The following PDE1A variants were observed in gnomAD, a reference collection of about 807,000 sequenced individuals.
The protein encoded by PDE1A is phosphodiesterase 1A.
Under a neutral mutation model 61.7 loss-of-function variants are expected in PDE1A, and 35 were observed. That is an observed-to-expected ratio of 0.57 (90% CI 0.43 to 0.75). The LOEUF is 0.75. Among genes scored for constraint, PDE1A ranks in the 30% least tolerant of loss-of-function variants. The pLI, the probability that PDE1A is intolerant of heterozygous loss-of-function variation, is 0.00. For missense variants in PDE1A, 597 were observed against 630.6 expected, an observed-to-expected ratio of 0.95 and a Z score of 0.57; for synonymous variants, 232 against 213.2, an observed-to-expected ratio of 1.09 and a Z score of -0.77.
the PDE1A span, among the ~76,000 whole-genome samples, chr2:182,582,348 C>T: frequency 6.6e-6 from 1 of 152,184 alleles, no homozygotes; most frequent in Non-Finnish European, 1.5e-5. Context: ...CTGGTATGTG[C>T]TTGTTGCTAT....
chr2:182,324,948 C>T (rs1391197926), intron 1 of PDE1A, among the ~76,000 whole-genome samples: 1 of 152,188 alleles, frequency 6.6e-6, no homozygotes, highest in Non-Finnish European at 1.5e-5. Flanking sequence ...GACACTATTA[C>T]TCCTGCAGCT....
chr2:182,189,564 G>A (rs1289227448), intron 10 of PDE1A, among the ~76,000 whole-genome samples: 4 of 152,080 alleles, frequency 2.6e-5, no homozygotes, highest in African/African-American at 2.4e-5. Context: ...AACATATAAT[G>A]AGGAATTTCT....
chr2:182,676,873 G>A, the PDE1A span, among the ~76,000 whole-genome samples: 1 of 152,160 alleles, frequency 6.6e-6, no homozygotes, highest in Non-Finnish European at 1.5e-5. Flanking sequence ...ATCCATTCAT[G>A]TTAAAAACTT....
chr2:182,449,981 T>C (rs936770353), intron 2 of PDE1A, among the ~76,000 whole-genome samples: 5 of 152,086 alleles, frequency 3.3e-5, no homozygotes, highest in African/African-American at 7.2e-5. Flanking sequence ...ACTTGGATCA[T>C]CCATGTAAAG....
chr2:182,463,058 GGGAGAAACCCCGTC>G (rs1686412952), intron 2 of PDE1A, among the ~76,000 whole-genome samples: 1 of 151,496 alleles, frequency 6.6e-6, no homozygotes. Context: ...CTGGCCAACG[GGGAGAAACCCCGTC>G]TCTACTAAAA....
chr2:182,694,457 T>C, the PDE1A span, among the ~76,000 whole-genome samples: 5 of 152,206 alleles, frequency 3.3e-5, no homozygotes, highest in South Asian at 2.1e-4. Context: ...CCACTCCATC[T>C]ACAGAAGCGG....
rs367784062 is a variant in PDE1A, at chr2:182,339,053, GT to G, written c.54-74640del. On this transcript the variant is annotated intron_variant, in intron 1 of 13. Coordinates refer to ENST00000351439, the Ensembl canonical transcript of PDE1A. ...TTCCTCATGGATTTGTGCTGAAGAT[GT>G]TTTTTTTCTATATGTTTACAAAAGG... is the stretch of plus-strand genomic sequence containing the variant. Among the ~76,000 whole-genome samples, 500 of 152,006 alleles carry G rather than the reference GT, an allele frequency of 3.3e-3. 5 individuals are homozygous for G. The highest frequency in any genetic ancestry group is 0.011 in the African/African-American group (469 of 41,474).
chr2:182,653,842 A>C, the PDE1A span, among the ~76,000 whole-genome samples: 1 of 152,070 alleles, frequency 6.6e-6, no homozygotes, highest in East Asian at 1.9e-4. Context: ...CTGAAACTTT[A>C]TAGGGTCCTT....
At chr2:182,693,318 C>T in the PDE1A span, among the ~76,000 whole-genome samples, 1 of 152,144 alleles carries the variant, frequency 6.6e-6, no homozygotes, top group Non-Finnish European at 1.5e-5. Flanking sequence ...AAGCCAATCA[C>T]AAATATCATA....
the PDE1A span, among the ~76,000 whole-genome samples, chr2:182,687,274 G>A: frequency 6.6e-6 from 1 of 152,212 alleles, no homozygotes; most frequent in Non-Finnish European, 1.5e-5. Flanking sequence ...CTTTCTGGGA[G>A]GCACCCCCCA....
chr2:182,490,515 G>A (rs565526256), intron 2 of PDE1A, among the ~76,000 whole-genome samples: 269 of 152,180 alleles, frequency 1.8e-3, no homozygotes, highest in South Asian at 4.4e-3. Flanking sequence ...GATTGCAAGC[G>A]CCCACCACCA....
intron 2 of PDE1A, among the ~76,000 whole-genome samples, chr2:182,498,869 G>A (rs933315122): frequency 2.6e-5 from 4 of 151,912 alleles, no homozygotes; most frequent in Middle Eastern, 3.2e-3. Flanking sequence ...GCGTGAACCC[G>A]GAAGGCGGAG....
the PDE1A span, among the ~76,000 whole-genome samples, chr2:182,535,996 A>G: frequency 1.3e-5 from 2 of 152,202 alleles, no homozygotes; most frequent in Admixed American, 6.5e-5. Flanking sequence ...GCTAAAGTGA[A>G]CAGTCCGAAA....
At chr2:182,415,473 A>G (rs1247548802) in intron 1 of PDE1A, among the ~76,000 whole-genome samples, 2 of 152,170 alleles carry the variant, frequency 1.3e-5, no homozygotes, top group Non-Finnish European at 2.9e-5. Flanking sequence ...TAATGAAATC[A>G]TGAAATCCAG....
At chr2:182,318,230 AT>A (rs1368858767) in intron 1 of PDE1A, among the ~76,000 whole-genome samples, 1 of 152,142 alleles carries the variant, frequency 6.6e-6, no homozygotes, top group Non-Finnish European at 1.5e-5. Flanking sequence ...CTAGCCAAGA[AT>A]TTCAATCCCT....
chr2:182,306,317 C>A (rs1385078189), intron 1 of PDE1A, among the ~76,000 whole-genome samples: 1 of 152,054 alleles, frequency 6.6e-6, no homozygotes, highest in African/African-American at 2.4e-5. Flanking sequence ...ATCTCTTTGA[C>A]ATACTGATTT....
the PDE1A span, among the ~76,000 whole-genome samples, chr2:182,690,956 G>A: frequency 2.0e-5 from 3 of 152,038 alleles, no homozygotes; most frequent in African/African-American, 7.2e-5. Flanking sequence ...AAAATACCTA[G>A]GAATCCAACT....
chr2:182,417,072 T>C (rs1702963513), intron 1 of PDE1A, among the ~76,000 whole-genome samples: 1 of 152,214 alleles, frequency 6.6e-6, no homozygotes, highest in Admixed American at 6.5e-5. Flanking sequence ...CCCTGGACTC[T>C]CTAGCCCAAA....
intron 1 of PDE1A, among the ~76,000 whole-genome samples, chr2:182,275,578 A>T (rs1304008737): frequency 6.6e-6 from 1 of 152,248 alleles, no homozygotes; most frequent in East Asian, 1.9e-4. Flanking sequence ...AAAGCCAACC[A>T]AAAGGTATCT....
Sources: allele counts gnomAD v4.1 joint callset (sites outside exome capture counted in the v4.1 genomes callset), GRCh38; gene constraint gnomAD v4.1.1; transcripts MANE v1.5; gene names NCBI Gene and HGNC (gene_info 2026-07-23, HGNC 2026-07-21).